The following ILDR1 variants were observed in gnomAD, a reference collection of about 807,000 sequenced individuals.
ILDR1 encodes immunoglobulin-like domain-containing receptor 1.
Under a neutral mutation model 62.4 loss-of-function variants are expected in ILDR1, and 56 were observed. The ratio of observed to expected loss-of-function variants is 0.90; its 90% CI spans 0.72 to 1.12. ILDR1 has a LOEUF of 1.12. Among genes scored for constraint, ILDR1 ranks in the 50% most tolerant of loss-of-function variants. The probability of loss-of-function intolerance (pLI) is 0.00; values close to 1 mark genes in which losing one functional copy is unlikely to be tolerated. For synonymous variants in ILDR1, 284 were observed against 277.8 expected, an observed-to-expected ratio of 1.02 and a Z score of -0.22; for missense variants, 736 against 710.6, an observed-to-expected ratio of 1.04 and a Z score of -0.41.
At chr3:122,056,673 A>G in the ILDR1 span, among the ~76,000 whole-genome samples, 4 of 152,208 alleles carry the variant, frequency 2.6e-5, no homozygotes, top group Non-Finnish European at 5.9e-5. Flanking sequence ...TGAAAATCGA[A>G]GTAACTTTCA....
chr3:122,047,634 C>G, the ILDR1 span, among the ~76,000 whole-genome samples: 11 of 152,130 alleles, frequency 7.2e-5, no homozygotes, highest in Non-Finnish European at 1.5e-4. Context: ...TTTTTTAAGC[C>G]GGTCTGAAAA....
chr3:122,030,093 G>A, the ILDR1 span, among the ~76,000 whole-genome samples: 1 of 152,218 alleles, frequency 6.6e-6, no homozygotes, highest in Non-Finnish European at 1.5e-5. Flanking sequence ...CTAAGTAGAA[G>A]TGTAGACTCC....
At chr3:122,013,896 G>C (rs1478645762) in intron 1 of ILDR1, among the ~76,000 whole-genome samples, 1 of 152,056 alleles carries the variant, frequency 6.6e-6, no homozygotes, top group Non-Finnish European at 1.5e-5. Context: ...CACGGTATTG[G>C]GTGTTTTATT....
the ILDR1 span, among the ~76,000 whole-genome samples, chr3:122,048,327 T>G: frequency 6.6e-6 from 1 of 152,208 alleles, no homozygotes; most frequent in African/African-American, 2.4e-5. Flanking sequence ...ACTATAGAAT[T>G]TGGTTTGCTA....
the ILDR1 span, among the ~76,000 whole-genome samples, chr3:122,043,093 T>A: frequency 7.2e-5 from 10 of 138,002 alleles, no homozygotes; most frequent in Non-Finnish European, 1.6e-5. Flanking sequence ...GATTTTTGTA[T>A]AAGGTGTAAG....
At chr3:122,005,218 T>TA in intron 3 of ILDR1, 26 bp downstream of exon 3, 4 of 1,345,218 alleles carry the variant, frequency 3.0e-6, no homozygotes, top group African/African-American at 1.4e-5. Context: ...CACCCCCAGT[T>TA]CCCCTGACAC....
At chr3:121,991,357 A>C (rs769332651) in intron 7 of ILDR1, among the ~76,000 whole-genome samples, 3 of 152,226 alleles carry the variant, frequency 2.0e-5, no homozygotes, top group Non-Finnish European at 2.9e-5. Flanking sequence ...AGAAGATAGC[A>C]TGTAGATTTG....
At chr3:122,021,934 T>G in intron 1 of ILDR1, 86 bp downstream of exon 1, 1 of 1,356,516 alleles carries the variant, frequency 7.4e-7, no homozygotes, top group Non-Finnish European at 1.0e-6. Flanking sequence ...TCCACTGCCC[T>G]GCCCGCGGCC....
In ILDR1 at chr3:122,007,140, G is replaced by A. The variant is rs145984650; in HGVS notation, c.80C>T (p.Thr27Met). The A allele has an allele frequency of 3.3e-5, 54 of 1,614,046 alleles. No homozygotes were observed. The highest frequency in any genetic ancestry group is 4.5e-5 in the East Asian group (2 of 44,896). ...LPAGCLSLLV[T>M]VQHTERYVTL... ...GACATAGCGTTCTGTGTGCTGGACC[G>A]TCACAAGCAAGGACAGGCACCCTAA... The change falls in exon 2 of 8, where the codon ACG becomes ATG. Residue 27 changes from threonine (T) to methionine (M), a missense_variant. Physicochemically the swap from Thr to Met is moderately conservative, Grantham distance 81 (BLOSUM62 -1). Transcript: ENST00000344209.
chr3:122,014,906 G>T (rs1352159470), intron 1 of ILDR1, among the ~76,000 whole-genome samples: 1 of 152,178 alleles, frequency 6.6e-6, no homozygotes, highest in African/African-American at 2.4e-5. Flanking sequence ...ATTCACCCAG[G>T]TTAGTGACTC....
In ILDR1 at chr3:122,002,717, C is replaced by T. The variant is rs376396589; in HGVS notation, c.380-853G>A. ...TGCTGCACAGATCATCCCATCACCT[C>T]GGTATAAAGCCAAGCATCCATTAGC... On this transcript the variant is annotated intron_variant, in intron 3 of 7. Coordinates refer to ENST00000344209, the MANE Select transcript of ILDR1 (RefSeq NM_001199799.2). Among the ~76,000 whole-genome samples the T allele has an allele frequency of 1.7e-3, 251 of 152,104 alleles. 3 individuals are homozygous for T. In the South Asian group the frequency reaches 0.021, roughly 13 times the overall value.
chr3:122,028,885 T>C, the ILDR1 span, among the ~76,000 whole-genome samples: 1 of 152,198 alleles, frequency 6.6e-6, no homozygotes, highest in Non-Finnish European at 1.5e-5. Flanking sequence ...CCCTGTAATT[T>C]CCCTTCAAGG....
chr3:122,002,202 C>T (rs1203650008), intron 3 of ILDR1, among the ~76,000 whole-genome samples: 3 of 152,194 alleles, frequency 2.0e-5, no homozygotes, highest in East Asian at 3.9e-4. Flanking sequence ...TACTTACTCG[C>T]AATCAAACCT....
chr3:121,996,901 T>A (rs2071445325), intron 5 of ILDR1, among the ~76,000 whole-genome samples: 1 of 152,112 alleles, frequency 6.6e-6, no homozygotes, highest in African/African-American at 2.4e-5. Flanking sequence ...TTTTTGTTGT[T>A]GTTGTTTTGT....
At chr3:122,028,702 G>A in the ILDR1 span, among the ~76,000 whole-genome samples, 2 of 152,160 alleles carry the variant, frequency 1.3e-5, no homozygotes, top group African/African-American at 4.8e-5. Context: ...CGGTAATCAG[G>A]ACAATGGAAA....
chr3:122,036,158 C>T, the ILDR1 span, among the ~76,000 whole-genome samples: 14 of 152,024 alleles, frequency 9.2e-5, no homozygotes, highest in East Asian at 7.7e-4. Flanking sequence ...ATTTTGAACT[C>T]GAAAGAGATG....
intron 1 of ILDR1, 148 bp from the exon 2 acceptor site, chr3:122,007,309 G>T: frequency 6.5e-7 from 1 of 1,541,108 alleles, no homozygotes; most frequent in African/African-American, 1.4e-5. Flanking sequence ...TTACTCACCT[G>T]GGCAGGCTAT....
chr3:122,049,789 A>T, the ILDR1 span, among the ~76,000 whole-genome samples: 1 of 152,094 alleles, frequency 6.6e-6, no homozygotes, highest in African/African-American at 2.4e-5. Flanking sequence ...TCATGGATGG[A>T]TTATAGCCTC....
In ILDR1 at chr3:122,007,313, AGGCTATG is replaced by A. The variant is rs1461283883; in HGVS notation, c.59-159_59-153del. ...AGTCTGGGTTCTTACTCACCTGGGCAGGCTATGGGTGGGGTGGGGTGAGAACGCACTC... is the reference window on the plus strand; with the variant it reads ...AGTCTGGGTTCTTACTCACCTGGGCAGGTGGGGTGGGGTGAGAACGCACTC... On this transcript the variant is annotated intron_variant, in intron 1 of 7. Transcript: ENST00000344209. 2.0e-6 allele frequency: 3 copies of A among 1,536,484 alleles called. No individual in the cohort carries two copies. In the African/African-American group the frequency reaches 4.1e-5, roughly 21 times the overall value.
Sources: gnomAD v4.1 joint callset for allele counts (sites outside exome capture counted in the v4.1 genomes callset) on GRCh38, gnomAD v4.1.1 for gene constraint, MANE v1.5 for transcripts, NCBI Gene and HGNC (gene_info 2026-07-23, HGNC 2026-07-21) for gene names.